MYH14: variants seen among roughly 807,000 people sequenced by gnomAD.
MYH14 encodes myosin-14.
In MYH14, 123 loss-of-function variants were observed where a neutral mutation model predicts 255.5. That is an observed-to-expected ratio of 0.48 (90% CI 0.42 to 0.56). The LOEUF (loss-of-function observed/expected upper bound fraction) is 0.56, where lower values mean the gene tolerates loss of function less well. MYH14 is among the 20% of genes least tolerant of loss of function. The probability of loss-of-function intolerance (pLI) is 0.00; values close to 1 mark genes in which losing one functional copy is unlikely to be tolerated. For missense variants in MYH14, 2,423 were observed against 2,802.3 expected (o/e 0.86, Z 3.06); for synonymous variants, 1,095 against 1,161.2 (o/e 0.94, Z 1.16).
At chr19:50,299,951 A>G (rs745354690) in intron 39 of MYH14, among the ~76,000 whole-genome samples, 7 of 152,126 alleles carry the variant, frequency 4.6e-5, no homozygotes, top group Non-Finnish European at 1.0e-4. Flanking sequence ...TCTCAAAACA[A>G]ACAAAAACAA....
chr19:50,260,241 C>G (rs759601555), intron 19 of MYH14, among the ~76,000 whole-genome samples: 3 of 152,136 alleles, frequency 2.0e-5, no homozygotes, highest in Non-Finnish European at 4.4e-5. Context: ...GCCTGGCCAT[C>G]ATGGAGAAAC....
chr19:50,224,894 C>T (rs560654408), intron 6 of MYH14: 15 of 455,634 alleles, frequency 3.3e-5, no homozygotes, highest in South Asian at 2.0e-4. Context: ...TGCTTGAGGC[C>T]AGGAGTTCAA....
chr19:50,293,134 A>G lies in MYH14; in HGVS notation c.5257-99A>G. ...GTTACCCAGGGACAGCATGAGAAAAAAGCCAAGAGCCTTGAGGTGTGAGGG... is the reference window on the plus strand; with the variant it reads ...GTTACCCAGGGACAGCATGAGAAAAGAGCCAAGAGCCTTGAGGTGTGAGGG... On this transcript the variant is annotated intron_variant, in intron 37 of 42. Transcript: ENST00000642316. The surrounding 1 kb of genome is among the most constrained non-coding windows in gnomAD (Gnocchi z 4.1). 1 of 849,854 alleles carries G rather than the reference A, an allele frequency of 1.2e-6. No individual in the cohort carries two copies. The highest frequency in any genetic ancestry group is 2.0e-6 in the Non-Finnish European group (1 of 509,386). The allele number at this position is 849,854 out of a possible 1,614,324, so 52.6% of individuals were successfully genotyped here.
chr19:50,217,655 A>G lies in MYH14; in HGVS notation c.446A>G (p.Lys149Arg), dbSNP rs1320705311. ...TTCTGTGTGGTCATCAACCCGTACA[A>G]GCAGCTTCCCATCTACACAGAAGCC... ...GLFCVVINPY[K>R]QLPIYTEAIV... The change falls in exon 3 of 43, where the codon AAG becomes AGG. Residue 149 changes from lysine to arginine, a missense_variant. Around this residue, in one of 3 missense-constraint regions of MYH14, gnomAD observed 238 missense variants for 245.8 expected, o/e 0.97. Coordinates refer to ENST00000642316, the MANE Select transcript of MYH14 (RefSeq NM_001145809.2). 6 of 1,613,886 alleles carry G rather than the reference A, an allele frequency of 3.7e-6. No individual in the cohort carries two copies. In the South Asian group the frequency reaches 4.4e-5, roughly 12 times the overall value.
intron 16 of MYH14, among the ~76,000 whole-genome samples, chr19:50,254,666 A>G (rs2034526632): frequency 1.3e-5 from 2 of 152,202 alleles, no homozygotes; most frequent in South Asian, 4.1e-4. Flanking sequence ...GCTAGTCACA[A>G]GGTCTTCCCA....
chr19:50,224,845 C>G, intron 6 of MYH14: 1 of 456,386 alleles, frequency 2.2e-6, no homozygotes, highest in South Asian at 1.5e-5. Context: ...TGGCTCAGGT[C>G]TATAATCCCA....
At chr19:50,267,045 C>A in intron 23 of MYH14, 37 bp downstream of exon 23, 1 of 1,114,456 alleles carries the variant, frequency 9.0e-7, no homozygotes, top group South Asian at 2.1e-5. Flanking sequence ...GGCGTGTCTT[C>A]GGGGTGGGGC....
In MYH14 at chr19:50,276,000, C is replaced by T. The variant is rs541345064; in HGVS notation, c.3477C>T (p.Asp1159=). The part of the protein sequence containing the change: ...ELQAALARAE[D]EGGARAQLLK... ...TTCTTGTCACCCCCAGGGCAGAAGA[C>T]GAGGGTGGGGCCCGGGCCCAGCTGC... is the stretch of plus-strand genomic sequence containing the variant. The change falls in exon 28 of 43, where the codon GAC becomes GAT. Residue 1159 remains aspartate, a synonymous_variant. Transcript: ENST00000642316. The T allele has an allele frequency of 1.9e-5, 30 of 1,612,316 alleles. No homozygotes were observed. In the Admixed American group the frequency reaches 3.5e-4, roughly 19 times the overall value.
intron 40 of MYH14, among the ~76,000 whole-genome samples, chr19:50,306,153 C>G (rs2036646520): frequency 6.6e-6 from 1 of 152,208 alleles, no homozygotes; most frequent in African/African-American, 2.4e-5. Flanking sequence ...TGGCACATGC[C>G]TGTAATCCCA....
At chr19:50,305,769 A>G (rs1213323266) in intron 40 of MYH14, among the ~76,000 whole-genome samples, 1 of 151,928 alleles carries the variant, frequency 6.6e-6, no homozygotes, top group East Asian at 1.9e-4. Context: ...CTCTACAAAA[A>G]TAAAAATTAA....
chr19:50,302,529 G>A (rs1449057264), intron 40 of MYH14, among the ~76,000 whole-genome samples: 1 of 151,512 alleles, frequency 6.6e-6, no homozygotes, highest in Non-Finnish European at 1.5e-5. Flanking sequence ...GTTGCAGTGA[G>A]CCGAGATTGC....
At chr19:50,277,480 C>T (rs891955934) in intron 29 of MYH14, among the ~76,000 whole-genome samples, 6 of 151,966 alleles carry the variant, frequency 3.9e-5, no homozygotes, top group African/African-American at 1.4e-4. Context: ...GTGGCACACA[C>T]GCCTATAGTC....
chr19:50,205,900 G>T (rs1430186608), intron 1 of MYH14, among the ~76,000 whole-genome samples: 1 of 152,112 alleles, frequency 6.6e-6, no homozygotes, highest in Non-Finnish European at 1.5e-5. Flanking sequence ...AGGGTCAGAC[G>T]GCTGGATGCC....
chr19:50,271,366 C>T (rs1236415230), intron 24 of MYH14, 43 bp from the exon 25 acceptor site: 1 of 1,574,992 alleles, frequency 6.3e-7, no homozygotes, highest in South Asian at 1.2e-5. Context: ...CACACTCCAT[C>T]TATTGGCCCA....
chr19:50,263,122 C>A (rs2034948554), intron 21 of MYH14, among the ~76,000 whole-genome samples, 190 bp from the exon 22 acceptor site: 1 of 152,066 alleles, frequency 6.6e-6, no homozygotes, highest in Non-Finnish European at 1.5e-5. Context: ...TTGCTTGAAC[C>A]TGGGAGGTGG....
In MYH14 at chr19:50,232,063, A is replaced by T. The variant is rs747346701; in HGVS notation, c.1107A>T (p.Glu369Asp). The T allele has an allele frequency of 3.7e-6, 6 of 1,611,818 alleles. No homozygotes were observed. The Admixed American group carries it at 1.0e-4, about 27-fold the overall frequency. The change falls in exon 10 of 43, where the codon GAA (glutamate) becomes GAT (aspartate). Residue 369 changes from glutamate to aspartate, a missense_variant. Physicochemically the swap from Glu to Asp is conservative, Grantham distance 45. This residue lies in a region of MYH14 where 672 missense variants were observed against 881.8 expected (regional missense o/e 0.76). Coordinates refer to ENST00000642316, the MANE Select transcript of MYH14 (RefSeq NM_001145809.2). ...GGGTCCTGGGATTCAGCCACGAGGA[A>T]ATCATCTGTGAGTGAGCCCCGTGGA... The part of the protein sequence containing the change: ...SLRVLGFSHE[E>D]IISMLRMVSA...
rs766546274 is a variant in MYH14 at position 50,223,086 on chromosome 19, G to A, written c.566G>A (p.Arg189His). The change falls in exon 4 of 43, where the codon CGT (arginine) becomes CAT (histidine). Residue 189 changes from arginine (R) to histidine (H), a missense_variant. Coordinates refer to ENST00000642316, the MANE Select transcript of MYH14 (RefSeq NM_001145809.2). Reference sequence around the variant, plus strand: ...TCCCCCACTCTGTCCCCTACAGATCGTGAGGACCAGTCCATTCTCTGCACG... The same window carrying A: ...TCCCCCACTCTGTCCCCTACAGATCATGAGGACCAGTCCATTCTCTGCACG... ...EGAYRSMLQD[R>H]EDQSILCTGE... 39 of 1,613,460 alleles carry A rather than the reference G, an allele frequency of 2.4e-5. No homozygotes were observed. Among genetic ancestry groups the A allele is most frequent in the Middle Eastern group, 1.6e-4 (1 of 6,084 alleles).
intron 40 of MYH14, 146 bp downstream of exon 40, chr19:50,302,015 C>T (rs1320312614): frequency 4.4e-5 from 30 of 685,668 alleles, no homozygotes; most frequent in East Asian, 3.4e-4. Context: ...TGGTGGCTCA[C>T]GCCTGTAATC....
In MYH14 at chr19:50,217,706, A is replaced by G. The variant is rs1386090990; in HGVS notation, c.497A>G (p.Lys166Arg). Residue 166 changes from lysine (K) to arginine (R), a missense_variant, in exon 3 of 43, where the codon AAG becomes AGG. Transcript: ENST00000642316. ...EAIVEMYRGKKRHEVPPHVYA... is the reference protein window; with the variant it reads ...EAIVEMYRGKRRHEVPPHVYA... ...ATTGTGGAGATGTACCGGGGCAAGA[A>G]GCGCCACGAGGTGCCACCCCACGTG... 2.5e-6 allele frequency: 4 copies of G among 1,613,966 alleles called. No individual in the cohort carries two copies. Among genetic ancestry groups the G allele is most frequent in the African/African-American group, 1.3e-5 (1 of 75,058 alleles).
Sources: gnomAD v4.1 joint callset for allele counts (sites outside exome capture counted in the v4.1 genomes callset) on GRCh38, gnomAD v4.1.1 for gene constraint, gnomAD v4.1.1 regional missense constraint, Gnocchi (gnomAD v3.1) non-coding constraint, MANE v1.5 for transcripts, NCBI Gene and HGNC (gene_info 2026-07-23, HGNC 2026-07-21) for gene names.